SPRY3: variants seen among roughly 807,000 people sequenced by gnomAD.
SPRY3 encodes the protein protein sprouty homolog 3.
In SPRY3, 15 loss-of-function variants were observed where a neutral mutation model predicts 20.2. The observed-to-expected ratio is 0.74, with a 90% confidence interval of 0.50 to 1.14. The LOEUF (loss-of-function observed/expected upper bound fraction) is 1.14, where lower values mean the gene tolerates loss of function less well. Among genes scored for constraint, SPRY3 ranks in the 50% most tolerant of loss-of-function variants. SPRY3 has a pLI of 0.00. For synonymous variants in SPRY3, 143 were observed against 136.5 expected, an observed-to-expected ratio of 1.05 and a Z score of -0.33; for missense variants, 364 against 363.9, an observed-to-expected ratio of 1.00 and a Z score of 0.00.
At chrX:155,688,099 T>C (rs2068092939) in intron 2 of SPRY3, among the ~76,000 whole-genome samples, 1 of 92,444 alleles carries the variant, frequency 1.1e-5, no homozygotes, top group African/African-American at 4.1e-5. Flanking sequence ...TGTATTCTCA[T>C]CGTTCAGCTC....
chrX:155,655,652 G>A (rs1298185177), intron 1 of SPRY3, among the ~76,000 whole-genome samples: 4 of 111,246 alleles, frequency 3.6e-5, no homozygotes, highest in South Asian at 3.8e-4. Context: ...TTGTGGATAC[G>A]TGGCTTTATT....
intron 2 of SPRY3, among the ~76,000 whole-genome samples, chrX:155,712,378 G>C (rs1424341755): frequency 2.0e-5 from 3 of 151,800 alleles, no homozygotes; most frequent in Admixed American, 2.0e-4. Context: ...CCCAATATCA[G>C]GTACATATGT....
chrX:155,734,379 T>C (rs1429082661), intron 2 of SPRY3, among the ~76,000 whole-genome samples: 2 of 151,926 alleles, frequency 1.3e-5, no homozygotes, highest in East Asian at 3.9e-4. Flanking sequence ...ACACACAACA[T>C]TGATCAGTTA....
At chrX:155,723,185 A>T (rs750876102) in intron 2 of SPRY3, among the ~76,000 whole-genome samples, 2 of 152,064 alleles carry the variant, frequency 1.3e-5, no homozygotes, top group African/African-American at 4.8e-5. Context: ...TCTATCATTG[A>T]TGGACATTTG....
intron 2 of SPRY3, among the ~76,000 whole-genome samples, chrX:155,750,017 G>T (rs948099810): frequency 1.3e-5 from 2 of 151,728 alleles, no homozygotes; most frequent in African/African-American, 4.8e-5. Context: ...CAAGGATTGA[G>T]TCTTACATTA....
At chrX:155,667,823 C>A (rs1288084165) in intron 2 of SPRY3, among the ~76,000 whole-genome samples, 2 of 111,185 alleles carry the variant, frequency 1.8e-5, no homozygotes, top group African/African-American at 6.5e-5. Flanking sequence ...AGATATTTCA[C>A]AAAAGATGGT....
At chrX:155,771,295 A>G (rs2091379861) in intron 3 of SPRY3, among the ~76,000 whole-genome samples, 1 of 152,026 alleles carries the variant, frequency 6.6e-6, no homozygotes, top group Non-Finnish European at 1.5e-5. Context: ...TTATATTATG[A>G]CCTAGATTCC....
chrX:155,781,477 G>T (rs2091462865), downstream of SPRY3: 1 of 166,978 alleles, frequency 6.0e-6, no homozygotes, highest in Non-Finnish European at 1.5e-5. Context: ...AGATAGTGAG[G>T]CTAAGAGAGG....
intron 2 of SPRY3, among the ~76,000 whole-genome samples, chrX:155,677,406 G>T: frequency 9.0e-6 from 1 of 111,704 alleles, no homozygotes; most frequent in African/African-American, 3.2e-5. Context: ...ACTTAACCCA[G>T]TTGGTGAATT....
chrX:155,632,579 C>T (rs960235805), intron 1 of SPRY3, among the ~76,000 whole-genome samples: 2 of 110,986 alleles, frequency 1.8e-5, no homozygotes, highest in Admixed American at 1.9e-4. Context: ...GTTTTCTCAT[C>T]CTCCAGCAGG....
At chrX:155,627,424 A>T (rs1557350050) in intron 1 of SPRY3, among the ~76,000 whole-genome samples, 1 of 112,028 alleles carries the variant, frequency 8.9e-6, no homozygotes, top group Non-Finnish European at 1.9e-5. Flanking sequence ...TTATGGCTAA[A>T]TAATATTCCA....
At chrX:155,664,750 TAAG>T (rs1466095470) in intron 2 of SPRY3, among the ~76,000 whole-genome samples, 51 of 109,540 alleles carry the variant, frequency 4.7e-4, no homozygotes, top group African/African-American at 1.5e-3. Flanking sequence ...GTAAAAATAA[TAAG>T]AAGAGTAGAA....
At chrX:155,776,108 G>A (rs185554908) in exon 4 of SPRY3, 1 of 167,028 alleles carries the variant, frequency 6.0e-6, no homozygotes, top group African/African-American at 2.4e-5. Context: ...TATTAACAGT[G>A]ACAGAAAGCC....
chrX:155,734,936 A>G (rs2091157949), intron 2 of SPRY3, among the ~76,000 whole-genome samples: 1 of 151,898 alleles, frequency 6.6e-6, no homozygotes. Flanking sequence ...TTCCTCAGGT[A>G]AAAGTTTATA....
intron 1 of SPRY3, among the ~76,000 whole-genome samples, chrX:155,625,287 A>G (rs1435000789): frequency 9.0e-6 from 1 of 111,559 alleles, no homozygotes; most frequent in Non-Finnish European, 1.9e-5. Context: ...TTCAGCTTCA[A>G]CTATTCAATT....
At chrX:155,644,651 T>C (rs1319299503) in intron 1 of SPRY3, among the ~76,000 whole-genome samples, 1 of 111,102 alleles carries the variant, frequency 9.0e-6, no homozygotes, top group East Asian at 2.9e-4. Context: ...ACTGCCAGGC[T>C]ACTACTGATG....
chrX:155,766,332 C>T (rs1029824905), intron 2 of SPRY3, among the ~76,000 whole-genome samples: 14 of 152,042 alleles, frequency 9.2e-5, no homozygotes, highest in African/African-American at 2.7e-4. Flanking sequence ...GTAGAAAGGA[C>T]GTTAGCAATT....
chrX:155,623,502 T>G (rs1569562373), intron 1 of SPRY3, among the ~76,000 whole-genome samples: 2 of 112,138 alleles, frequency 1.8e-5, no homozygotes, highest in Admixed American at 1.9e-4. Context: ...TTGAACTTGT[T>G]TTGATTTAGT....
At chrX:155,628,453 C>T (rs782651750) in intron 1 of SPRY3, among the ~76,000 whole-genome samples, 20 of 111,798 alleles carry the variant, frequency 1.8e-4, no homozygotes, top group Middle Eastern at 4.6e-3. Context: ...GGTCTAATAT[C>T]CAGAATTTAC....
Sources: allele counts gnomAD v4.1 joint callset (sites outside exome capture counted in the v4.1 genomes callset), GRCh38; gene constraint gnomAD v4.1.1; transcripts MANE v1.5; gene names NCBI Gene and HGNC (gene_info 2026-07-23, HGNC 2026-07-21).